Variants in ARL13B observed in about 807,000 individuals in gnomAD.
ARL13B encodes the protein ADP-ribosylation factor-like protein 13B.
Under a neutral mutation model 56.1 loss-of-function variants are expected in ARL13B, and 36 were observed. That is an observed-to-expected ratio of 0.64 (90% CI 0.49 to 0.85). The LOEUF (loss-of-function observed/expected upper bound fraction) is 0.85, where lower values mean the gene tolerates loss of function less well. Ranked by LOEUF, ARL13B falls within the 40% of genes least tolerant of loss-of-function variation. The probability of loss-of-function intolerance (pLI) is 0.00; values close to 1 mark genes in which losing one functional copy is unlikely to be tolerated. For missense variants in ARL13B, 519 were observed against 507.1 expected, an observed-to-expected ratio of 1.02 and a Z score of -0.23; for synonymous variants, 178 against 171.1, an observed-to-expected ratio of 1.04 and a Z score of -0.32.
At chr3:94,029,332 A>G (rs28508467) in intron 3 of ARL13B, among the ~76,000 whole-genome samples, 3 of 72,374 alleles carry the variant, frequency 4.1e-5, no homozygotes, top group East Asian at 3.1e-4. Flanking sequence ...ATATATATAT[A>G]TATTTATTTT....
At chr3:94,004,073 G>A (rs2076095550) in intron 3 of ARL13B, among the ~76,000 whole-genome samples, 165 bp downstream of exon 3, 2 of 152,078 alleles carry the variant, frequency 1.3e-5, no homozygotes, top group Non-Finnish European at 2.9e-5. Context: ...TTGTTATAGT[G>A]CTGTCTATAG....
At chr3:93,994,275 G>C (rs1280011859) in intron 1 of ARL13B, among the ~76,000 whole-genome samples, 1 of 152,066 alleles carries the variant, frequency 6.6e-6, no homozygotes, top group Non-Finnish European at 1.5e-5. Flanking sequence ...CTTTGCAGCA[G>C]CTGTTCTCTC....
chr3:94,022,309 A>G (rs983277448), intron 3 of ARL13B, among the ~76,000 whole-genome samples: 4 of 152,016 alleles, frequency 2.6e-5, no homozygotes, highest in Admixed American at 6.6e-5. Context: ...TATTTTTAAT[A>G]GAGATGGGGT....
intron 9 of ARL13B, 47 bp from the exon 10 acceptor site, chr3:94,053,140 G>A (rs1374589583): frequency 2.7e-6 from 4 of 1,459,548 alleles, no homozygotes; most frequent in Non-Finnish European, 3.8e-6. Context: ...CAAAAATCTT[G>A]ATGTACCATA....
chr3:93,988,669 A>G (rs569634993), intron 1 of ARL13B: 138 of 487,244 alleles, frequency 2.8e-4, no homozygotes, highest in African/African-American at 2.7e-3. Flanking sequence ...TGCTTCATCA[A>G]AGGTTGGAGT....
At chr3:93,998,997 C>G (rs1048480041) in intron 2 of ARL13B, among the ~76,000 whole-genome samples, 1 of 151,030 alleles carries the variant, frequency 6.6e-6, no homozygotes, top group African/African-American at 2.4e-5. Flanking sequence ...ATGTGTCTAC[C>G]TCTCCTCTGA....
chr3:94,043,372 C>G (rs1188833690), intron 7 of ARL13B, 132 bp downstream of exon 7: 4 of 831,058 alleles, frequency 4.8e-6, no homozygotes, highest in Non-Finnish European at 7.5e-6. Context: ...GCCATATTTA[C>G]CATGATTTTC....
At chr3:93,984,570 C>T (rs538988357) in intron 1 of ARL13B, among the ~76,000 whole-genome samples, 1 of 151,984 alleles carries the variant, frequency 6.6e-6, no homozygotes, top group Non-Finnish European at 1.5e-5. Context: ...GAGGAAGGCA[C>T]ACGTGTAACT....
intron 1 of ARL13B, among the ~76,000 whole-genome samples, chr3:93,992,933 A>G (rs2075900608): frequency 6.7e-6 from 1 of 150,248 alleles, no homozygotes; most frequent in East Asian, 2.0e-4. Context: ...AGCTGGGACT[A>G]CAGGCGTGCG....
chr3:93,993,267 A>G (rs1241347054), intron 1 of ARL13B, among the ~76,000 whole-genome samples: 1 of 152,008 alleles, frequency 6.6e-6, no homozygotes. Context: ...CTGGGATTAC[A>G]GGTGTGTGCC....
At chr3:94,050,284 C>T (rs541109291) in intron 8 of ARL13B, among the ~76,000 whole-genome samples, 2 of 151,600 alleles carry the variant, frequency 1.3e-5, no homozygotes, top group South Asian at 2.1e-4. Flanking sequence ...TAAGTTGTTA[C>T]GAGGATTAAA....
intron 3 of ARL13B, chr3:94,014,286 T>C: frequency 4.0e-6 from 4 of 1,010,828 alleles, no homozygotes; most frequent in Non-Finnish European, 5.5e-6. Flanking sequence ...TGATGAAAGG[T>C]ATGTGAGTGG....
At chr3:94,026,531 C>T (rs1056255258) in intron 3 of ARL13B, among the ~76,000 whole-genome samples, 2 of 152,072 alleles carry the variant, frequency 1.3e-5, no homozygotes, top group African/African-American at 2.4e-5. Context: ...ATATGTATAA[C>T]TATCCAATTT....
At chr3:94,022,270 C>G (rs527374328) in intron 3 of ARL13B, among the ~76,000 whole-genome samples, 11 of 151,838 alleles carry the variant, frequency 7.2e-5, no homozygotes, top group Admixed American at 7.2e-4. Context: ...GAATTACAGG[C>G]GCCTGCCACC....
intron 3 of ARL13B, among the ~76,000 whole-genome samples, chr3:94,027,278 A>G (rs1460473687): frequency 6.6e-6 from 1 of 152,100 alleles, no homozygotes; most frequent in Admixed American, 6.5e-5. Context: ...GTGAGGGCCA[A>G]ATAGTAGTTT....
chr3:93,984,901 T>C (rs182799768), intron 1 of ARL13B, among the ~76,000 whole-genome samples: 2 of 152,068 alleles, frequency 1.3e-5, no homozygotes, highest in South Asian at 2.1e-4. Context: ...TCCGAGCTAC[T>C]TGGGGGGCTG....
At chr3:94,050,418 A>T (rs2077050094) in intron 8 of ARL13B, among the ~76,000 whole-genome samples, 1 of 152,064 alleles carries the variant, frequency 6.6e-6, no homozygotes, top group Non-Finnish European at 1.5e-5. Flanking sequence ...CTAGATAAAT[A>T]TGTGTATAGT....
chr3:94,036,483 C>CT (rs2076769697), intron 4 of ARL13B, 69 bp from the exon 5 acceptor site: 1 of 1,483,746 alleles, frequency 6.7e-7, no homozygotes, highest in Non-Finnish European at 9.4e-7. Flanking sequence ...ATTAATTATA[C>CT]TTAATGGTTT....
intron 3 of ARL13B, among the ~76,000 whole-genome samples, 176 bp downstream of exon 3, chr3:94,004,084 G>A (rs968073793): frequency 2.0e-5 from 3 of 152,006 alleles, no homozygotes; most frequent in African/African-American, 4.8e-5. Context: ...CTGTCTATAG[G>A]GGAAAAGGGC....
Sources: allele counts gnomAD v4.1 joint callset (sites outside exome capture counted in the v4.1 genomes callset), GRCh38; gene constraint gnomAD v4.1.1; transcripts MANE v1.5; gene names NCBI Gene and HGNC (gene_info 2026-07-23, HGNC 2026-07-21).